RAB3IL1: variants seen among roughly 807,000 people sequenced by gnomAD.
RAB3IL1 encodes guanine nucleotide exchange factor for Rab-3A.
In RAB3IL1, 37 loss-of-function variants were observed where a neutral mutation model predicts 49.2. That is an observed-to-expected ratio of 0.75 (90% CI 0.58 to 0.99). RAB3IL1 has a LOEUF of 0.99. RAB3IL1 is among the 50% of genes least tolerant of loss of function. RAB3IL1 has a pLI of 0.00. For synonymous variants in RAB3IL1, 193 were observed against 213.9 expected (o/e 0.90, Z 0.85); for missense variants, 484 against 513.0 (o/e 0.94, Z 0.55).
At chr11:61,921,553 T>G (rs572944461), upstream of RAB3IL1, among the ~76,000 whole-genome samples, 295 of 152,300 alleles carry the variant, frequency 1.9e-3, 1 homozygote, top group Middle Eastern at 3.4e-3. Context: ...TTTTTTCCTC[T>G]GCAGGCACCA....
chr11:61,909,182 A>G (rs61898563), intron 1 of RAB3IL1, among the ~76,000 whole-genome samples: 7,737 of 152,078 alleles, frequency 0.051, 314 homozygotes, highest in Non-Finnish European at 0.057. Flanking sequence ...AGCCGCAGCA[A>G]CCAGGGCTGG....
chr11:61,924,557 C>G (rs1424480941), upstream of RAB3IL1, among the ~76,000 whole-genome samples: 2 of 152,132 alleles, frequency 1.3e-5, no homozygotes, highest in African/African-American at 4.8e-5. Flanking sequence ...CGAAATGAAT[C>G]CCTTCTCTGG....
chr11:61,898,085 C>T lies in RAB3IL1; in HGVS notation c.*193G>A, dbSNP rs1298313800. ...AGTGGGGAAGAGAGGGGGGTCTTGC[C>T]GTGAAGTCCAGGCCCGTCTGTCCCA... is the stretch of plus-strand genomic sequence containing the variant. On this transcript the variant is annotated 3_prime_UTR_variant, in exon 10 of 10. Coordinates refer to ENST00000394836, the MANE Select transcript of RAB3IL1 (RefSeq NM_013401.4). The surrounding 1 kb of genome is among the most constrained non-coding windows in gnomAD (Gnocchi z 5.1). 15 of 586,224 alleles carry T rather than the reference C, an allele frequency of 2.6e-5. No individual in the cohort carries two copies. The highest frequency in any genetic ancestry group is 8.8e-5 in the East Asian group (3 of 34,026). 36.3% of individuals were successfully genotyped at this position (586,224 alleles called of 1,614,324 possible). A position where few individuals can be genotyped will look rare whatever the true frequency, so the allele number is the denominator to read the frequency against.
At chr11:61,899,212 T>C (rs1404681327) in intron 9 of RAB3IL1, 102 bp downstream of exon 9, 2 of 1,293,250 alleles carry the variant, frequency 1.5e-6, no homozygotes, top group Non-Finnish European at 2.1e-6. Flanking sequence ...GCCTCCTAGC[T>C]GAGTCTTGCC....
chr11:61,935,823 C>A, the RAB3IL1 span, among the ~76,000 whole-genome samples: 1 of 151,974 alleles, frequency 6.6e-6, no homozygotes, highest in Non-Finnish European at 1.5e-5. Flanking sequence ...CCTAAATCAA[C>A]TATTTTAAAT....
In RAB3IL1 at chr11:61,915,989, G is replaced by A. The variant is rs375170195; in HGVS notation, c.11+1368C>T. Reference sequence around the variant, plus strand: ...GGAGGTGGAGCTTGCACTGAGCCGCGCCACTGCACTCCAGCCTGGGCGACA... The same window carrying A: ...GGAGGTGGAGCTTGCACTGAGCCGCACCACTGCACTCCAGCCTGGGCGACA... On this transcript the variant is annotated intron_variant, in intron 1 of 9. Coordinates refer to ENST00000394836, the MANE Select transcript of RAB3IL1 (RefSeq NM_013401.4). Among the ~76,000 whole-genome samples the A allele has an allele frequency of 8.2e-5, 12 of 146,472 alleles. No homozygotes were observed. The South Asian group carries it at 1.7e-3, about 21-fold the overall frequency.
At chr11:61,934,444 G>GTGTGTGTAGTGTA in the RAB3IL1 span, among the ~76,000 whole-genome samples, 1 of 83,662 alleles carries the variant, frequency 1.2e-5, no homozygotes, top group African/African-American at 4.9e-5. Context: ...GTGTGTGTGT[G>GTGTGTGTAGTGTA]TGTATGTATA....
Position 61,906,090 on chromosome 11 carries a change from A to C in RAB3IL1, c.657+376T>G, listed in dbSNP as rs1939168600. Among the ~76,000 whole-genome samples, 1 of 152,058 alleles carries C rather than the reference A, an allele frequency of 6.6e-6. No homozygotes were observed. Among genetic ancestry groups the C allele is most frequent in the African/African-American group, 2.4e-5 (1 of 41,406 alleles). ...GGCTGTGGCCACACGGGGTCCAGGCAGCCTCTCCCCTGAGGCCCAGTGGCT... is the reference window on the plus strand; with the variant it reads ...GGCTGTGGCCACACGGGGTCCAGGCCGCCTCTCCCCTGAGGCCCAGTGGCT... On this transcript the variant is annotated intron_variant, in intron 5 of 9. Coordinates refer to ENST00000394836, the MANE Select transcript of RAB3IL1 (RefSeq NM_013401.4). This position sits in a 1 kb window ranked among gnomAD's most constrained non-coding sequence, Gnocchi z 4.6.
the RAB3IL1 span, among the ~76,000 whole-genome samples, chr11:61,934,453 T>C: frequency 3.5e-5 from 1 of 28,372 alleles, no homozygotes; most frequent in East Asian, 1.2e-3. Flanking sequence ...TGTGTATGTA[T>C]ATATATATAT....
At chr11:61,901,804 C>G (rs1938929369) in intron 8 of RAB3IL1, among the ~76,000 whole-genome samples, 1 of 152,248 alleles carries the variant, frequency 6.6e-6, no homozygotes, top group Non-Finnish European at 1.5e-5. Context: ...CAGAAAGGAA[C>G]ACAGTCTGCT....
the RAB3IL1 span, among the ~76,000 whole-genome samples, chr11:61,926,701 A>G: frequency 1.3e-5 from 2 of 149,868 alleles, no homozygotes; most frequent in East Asian, 4.0e-4. Flanking sequence ...TTAAAGGTGC[A>G]CGCCACCATG....
intron 8 of RAB3IL1, among the ~76,000 whole-genome samples, chr11:61,900,539 G>A (rs568831700): frequency 6.6e-6 from 1 of 152,300 alleles, no homozygotes; most frequent in Admixed American, 6.5e-5. Flanking sequence ...TGCACAGGGA[G>A]GGTTGAGGAG....
At position 61,898,866 on chromosome 11, in the gene RAB3IL1, CAGG is replaced by C. The variant is rs372732521; in HGVS notation, c.1066+445_1066+447del. 12 of 469,192 alleles carry C rather than the reference CAGG, an allele frequency of 2.6e-5. No individual in the cohort carries two copies. The highest frequency in any genetic ancestry group is 2.0e-4 in the African/African-American group (10 of 50,642). The allele number at this position is 469,192 out of a possible 1,614,324, so 29.1% of individuals were successfully genotyped here. A position where few individuals can be genotyped will look rare whatever the true frequency, so the allele number is the denominator to read the frequency against. On this transcript the variant is annotated intron_variant, in intron 9 of 9. Coordinates refer to ENST00000394836, the MANE Select transcript of RAB3IL1 (RefSeq NM_013401.4). The surrounding 1 kb of genome is among the most constrained non-coding windows in gnomAD (Gnocchi z 5.1). ...CTCAGAGGGTCGGGCCAGACTGGTT[CAGG>C]AGAAGACTCAGCAGCGAGCAAAGGT...
At chr11:61,901,152 C>G (rs1754695176) in intron 8 of RAB3IL1, among the ~76,000 whole-genome samples, 1 of 152,190 alleles carries the variant, frequency 6.6e-6, no homozygotes, top group Non-Finnish European at 1.5e-5. Context: ...CATTTGTCCC[C>G]TTTAGACCTG....
chr11:61,918,009 A>G (rs551319633), upstream of RAB3IL1, among the ~76,000 whole-genome samples: 81 of 151,572 alleles, frequency 5.3e-4, no homozygotes, highest in Non-Finnish European at 9.4e-4. Flanking sequence ...TCTGAGTCCT[A>G]CTCTCTGAGT....
At chr11:61,902,384 G>A in intron 8 of RAB3IL1, 58 bp downstream of exon 8, 1 of 1,444,556 alleles carries the variant, frequency 6.9e-7, no homozygotes, top group Non-Finnish European at 9.5e-7. Context: ...AGGGCCCAGT[G>A]TCCCAGCACC....
At position 61,906,579 on chromosome 11, in the gene RAB3IL1, T is replaced by C. The variant is rs371133145; in HGVS notation, c.544A>G (p.Lys182Glu). 1 of 1,606,648 alleles carries C rather than the reference T, an allele frequency of 6.2e-7. No homozygotes were observed. The highest frequency in any genetic ancestry group is 8.5e-7 in the Non-Finnish European group (1 of 1,177,024). The change falls in exon 5 of 10, where the codon AAG becomes GAG. Residue 182 changes from lysine (K) to glutamate (E), a missense_variant. Transcript: ENST00000394836. The surrounding 1 kb of genome is among the most constrained non-coding windows in gnomAD (Gnocchi z 4.6). ...ELHPQLLSPT[K>E]AGPRKGHSRH... ...GAGTGGCCCTTTCGGGGCCCGGCCT[T>C]GGTGGGGCTCAGCAGCTGGGGGTGA... is the stretch of plus-strand genomic sequence containing the variant.
chr11:61,945,437 C>T, the RAB3IL1 span, among the ~76,000 whole-genome samples: 2 of 152,196 alleles, frequency 1.3e-5, no homozygotes, highest in African/African-American at 4.8e-5. Context: ...CCTGGGGCAG[C>T]GGGGAGTTGC....
chr11:61,917,231 AG>A, intron 1 of RAB3IL1, 125 bp downstream of exon 1: 2 of 1,258,782 alleles, frequency 1.6e-6, no homozygotes, highest in South Asian at 2.3e-5. Context: ...GCCTGCAGGC[AG>A]GGCGGGGGCG....
Sources: gnomAD v4.1 joint callset for allele counts (sites outside exome capture counted in the v4.1 genomes callset) on GRCh38, gnomAD v4.1.1 for gene constraint, Gnocchi (gnomAD v3.1) non-coding constraint, MANE v1.5 for transcripts, NCBI Gene and HGNC (gene_info 2026-07-23, HGNC 2026-07-21) for gene names.